Variants in ANXA11 observed in about 807,000 individuals in gnomAD.
ANXA11 encodes annexin A11, also known as 56 kDa autoantigen.
Under a neutral mutation model 64.7 loss-of-function variants are expected in ANXA11, and 57 were observed. That is an observed-to-expected ratio of 0.88 (90% CI 0.71 to 1.10). ANXA11 has a LOEUF of 1.10. Among genes scored for constraint, ANXA11 ranks in the 50% least tolerant of loss-of-function variants. The pLI, the probability that ANXA11 is intolerant of heterozygous loss-of-function variation, is 0.00. For missense variants in ANXA11, 675 were observed against 670.7 expected (o/e 1.01, Z -0.07); for synonymous variants, 260 against 265.2 (o/e 0.98, Z 0.19).
chr10:80,203,023 G>A (rs1420462295), intron 1 of ANXA11, among the ~76,000 whole-genome samples: 1 of 146,934 alleles, frequency 6.8e-6, no homozygotes, highest in Non-Finnish European at 1.5e-5. Context: ...TCCAGCCTGG[G>A]TGACAGGGCG....
chr10:80,174,433 T>C (rs754307609), intron 2 of ANXA11, among the ~76,000 whole-genome samples: 16 of 152,024 alleles, frequency 1.1e-4, no homozygotes, highest in African/African-American at 3.4e-4. Context: ...CCCGCCATCA[T>C]GTCTGGCTAA....
chr10:80,158,147 TCTC>T, intron 13 of ANXA11, 122 bp from the exon 14 acceptor site: 1 of 854,552 alleles, frequency 1.2e-6, no homozygotes, highest in Non-Finnish European at 1.9e-6. Flanking sequence ...ATCCATCTTT[TCTC>T]CTCCTCCTTC....
At chr10:80,163,273 G>A (rs1845585894) in intron 11 of ANXA11, 76 bp downstream of exon 11, 1 of 1,543,206 alleles carries the variant, frequency 6.5e-7, no homozygotes. Flanking sequence ...CCACCCTAGG[G>A]TACCTCTCTC....
chr10:80,161,019 C>A (rs1188430694), intron 12 of ANXA11, among the ~76,000 whole-genome samples: 1 of 152,208 alleles, frequency 6.6e-6, no homozygotes, highest in Non-Finnish European at 1.5e-5. Context: ...CCTGCAGCAG[C>A]CTCCCGACAG....
chr10:80,199,611 G>A (rs1840332720), intron 1 of ANXA11, among the ~76,000 whole-genome samples: 1 of 152,042 alleles, frequency 6.6e-6, no homozygotes, highest in South Asian at 2.1e-4. Flanking sequence ...TTTGAGACCA[G>A]CCTGGGCAAC....
Position 80,163,717 on chromosome 10 carries a change from G to T in ANXA11, c.950-104C>A, listed in dbSNP as rs111673524. On this transcript the variant is annotated intron_variant, in intron 9 of 15. Coordinates refer to ENST00000422982, the MANE Select transcript of ANXA11 (RefSeq NM_145868.2). ...GGTACTGGGGAGAAAAAGGCTGGAGGTCTTGGCTCGGGCTCAAGAGAACAA... is the reference window on the plus strand; with the variant it reads ...GGTACTGGGGAGAAAAAGGCTGGAGTTCTTGGCTCGGGCTCAAGAGAACAA... 35 of 1,084,560 alleles carry T rather than the reference G, an allele frequency of 3.2e-5. No homozygotes were observed. The Middle Eastern group carries it at 2.7e-3, about 82-fold the overall frequency. The allele number at this position is 1,084,560 out of a possible 1,614,324, so 67.2% of individuals were successfully genotyped here. A position where few individuals can be genotyped will look rare whatever the true frequency, so the allele number is the denominator to read the frequency against.
intron 8 of ANXA11, 75 bp from the exon 9 acceptor site, chr10:80,164,218 G>GGCTA: frequency 1.7e-6 from 2 of 1,195,312 alleles, no homozygotes; most frequent in South Asian, 2.5e-5. Context: ...GAAGGGTGGG[G>GGCTA]GCTACGCTGC....
At position 80,196,173 on chromosome 10, in the gene ANXA11, T is replaced by C. The variant is rs554315194; in HGVS notation, c.-58+9170A>G. Among the ~76,000 whole-genome samples the C allele has an allele frequency of 2.2e-4, 33 of 152,346 alleles. No individual in the cohort carries two copies. In the South Asian group the frequency reaches 6.0e-3, roughly 28 times the overall value. On this transcript the variant is annotated intron_variant, in intron 1 of 15. Coordinates refer to ENST00000422982, the MANE Select transcript of ANXA11 (RefSeq NM_145868.2). ...ACCTCATTAACCTCCACAATGCTCC[T>C]ATTGGATAGGTATTATCATCCTCAT...
upstream of ANXA11, among the ~76,000 whole-genome samples, chr10:80,205,739 A>G (rs1185204305): frequency 6.6e-6 from 1 of 152,142 alleles, no homozygotes; most frequent in Non-Finnish European, 1.5e-5. Context: ...TGCCGCGCAG[A>G]GCCGCATTCG....
chr10:80,181,276 C>T (rs913197295), intron 1 of ANXA11: 1 of 151,996 alleles, frequency 6.6e-6, no homozygotes, highest in African/African-American at 2.4e-5. Context: ...CATAATGAGA[C>T]CCTGTCGTTA....
intron 1 of ANXA11, among the ~76,000 whole-genome samples, chr10:80,203,330 A>G (rs963711906): frequency 1.3e-5 from 2 of 152,092 alleles, no homozygotes; most frequent in African/African-American, 4.8e-5. Context: ...CTGGCCTTCT[A>G]GACACATCCA....
At chr10:80,177,045 T>C (rs914068035) in intron 1 of ANXA11, among the ~76,000 whole-genome samples, 1 of 148,964 alleles carries the variant, frequency 6.7e-6, no homozygotes, top group African/African-American at 2.5e-5. Flanking sequence ...AGTGGCGCAA[T>C]CTCAGCTCAC....
chr10:80,186,773 T>G (rs563711048), intron 1 of ANXA11, among the ~76,000 whole-genome samples: 31 of 152,250 alleles, frequency 2.0e-4, no homozygotes, highest in African/African-American at 7.5e-4. Flanking sequence ...GAACTCACTT[T>G]CCATACAACG....
At chr10:80,172,301 C>T (rs1035729091) in intron 3 of ANXA11, among the ~76,000 whole-genome samples, 4 of 152,174 alleles carry the variant, frequency 2.6e-5, no homozygotes, top group Admixed American at 1.3e-4. Flanking sequence ...GCATCTGCCT[C>T]CACTTCCTCT....
chr10:80,159,183 TACTCATTGAAA>T lies in ANXA11; in HGVS notation c.1182_1192del (p.Phe395ProfsTer9), dbSNP rs1372826258. ...AATGTCCCGGCCTGTCATTCTCTGG[TACTCATTGAAA>T]ACTATGGGGATGACAGAGGCTTATA... On this transcript the variant is annotated frameshift_variant and splice_region_variant, in exon 13 of 16. Transcript: ENST00000422982. LOFTEE classifies it high-confidence loss of function. 1 of 1,613,970 alleles carries T rather than the reference TACTCATTGAAA, an allele frequency of 6.2e-7. No homozygotes were observed. The highest frequency in any genetic ancestry group is 1.7e-5 in the Admixed American group (1 of 60,018).
rs757839642 is a variant in ANXA11 at position 80,161,979 on chromosome 10, A to T, written c.1136T>A (p.Phe379Tyr). 1.2e-6 allele frequency: 2 copies of T among 1,612,792 alleles called. No homozygotes were observed. Among genetic ancestry groups the T allele is most frequent in the South Asian group, 2.2e-5 (2 of 91,080 alleles). Reference protein sequence around the residue: ...ENRLGTDESKFNAVLCSRSRA... With the variant: ...ENRLGTDESKYNAVLCSRSRA... Reference sequence around the variant, plus strand: ...GCTCCGGGAGCACAGAACCGCATTGAACTTGGACTCGTCTGTTCCCAGGCG... The same window carrying T: ...GCTCCGGGAGCACAGAACCGCATTGTACTTGGACTCGTCTGTTCCCAGGCG... Residue 379 changes from phenylalanine to tyrosine, a missense_variant, in exon 12 of 16, where the codon TTC (phenylalanine) becomes TAC (tyrosine). Coordinates refer to ENST00000422982, the MANE Select transcript of ANXA11 (RefSeq NM_145868.2).
In ANXA11 at chr10:80,175,168, C is replaced by T. The variant is rs193105382; in HGVS notation, c.-9+939G>A. On this transcript the variant is annotated intron_variant, in intron 2 of 15. Transcript: ENST00000422982. ...TGGGCTGTCAGTACAAAGCCCTCCC[C>T]GTCCCGGCCCCAGCCTGACCCTTCT... Among the ~76,000 whole-genome samples, 748 of 152,294 alleles carry T rather than the reference C, an allele frequency of 4.9e-3. 4 individuals are homozygous for T. The highest frequency in any genetic ancestry group is 7.3e-3 in the Non-Finnish European group (494 of 68,032).
Position 80,157,896 on chromosome 10 carries a change from C to A in ANXA11, c.1335+71G>T, listed in dbSNP as rs1286436156. 1.9e-6 allele frequency: 3 copies of A among 1,597,116 alleles called. No homozygotes were observed. In the Admixed American group the frequency reaches 5.0e-5, roughly 27 times the overall value. ...GATTTAGCTCTCCCCAGGCCTTCTG[C>A]CCTCAGCCCTTGGTCCCAGGCACAG... On this transcript the variant is annotated intron_variant, in intron 14 of 15. Coordinates refer to ENST00000422982, the MANE Select transcript of ANXA11 (RefSeq NM_145868.2).
chr10:80,203,404 C>T (rs1440751661), intron 1 of ANXA11, among the ~76,000 whole-genome samples: 2 of 152,098 alleles, frequency 1.3e-5, no homozygotes, highest in African/African-American at 2.4e-5. Flanking sequence ...CCACTCCCAC[C>T]TCTTAGTCCC....
Sources: allele counts gnomAD v4.1 joint callset (sites outside exome capture counted in the v4.1 genomes callset), GRCh38; gene constraint gnomAD v4.1.1; transcripts MANE v1.5; gene names NCBI Gene and HGNC (gene_info 2026-07-23, HGNC 2026-07-21).